The following ATP8A2 variants were observed in gnomAD, a reference collection of about 807,000 sequenced individuals.
ATP8A2 encodes the protein phospholipid-transporting ATPase IB.
ATP8A2 carries 100 observed loss-of-function variants against 165.6 expected under a neutral mutation model. The ratio of observed to expected loss-of-function variants is 0.60; its 90% CI spans 0.51 to 0.71. The LOEUF (loss-of-function observed/expected upper bound fraction) is 0.71. ATP8A2 is among the 30% of genes least tolerant of loss of function. The pLI, the probability that ATP8A2 is intolerant of heterozygous loss-of-function variation, is 0.00. For synonymous variants in ATP8A2, 543 were observed against 548.8 expected (o/e 0.99, Z 0.15); for missense variants, 1,227 against 1,479.5 (o/e 0.83, Z 2.80).
chr13:25,557,044 A>C (rs1193709295), intron 13 of ATP8A2, among the ~76,000 whole-genome samples: 1 of 152,120 alleles, frequency 6.6e-6, no homozygotes, highest in Non-Finnish European at 1.5e-5. Flanking sequence ...ATCATTTTTG[A>C]GTTTATTGCC....
intron 16 of ATP8A2, chr13:25,567,335 T>G: frequency 2.2e-6 from 1 of 456,754 alleles, no homozygotes; most frequent in Non-Finnish European, 4.4e-6. Flanking sequence ...TGCTTTTTCC[T>G]GACTCCTCCT....
At chr13:25,690,304 T>C (rs1487492451) in intron 24 of ATP8A2, among the ~76,000 whole-genome samples, 1 of 152,202 alleles carries the variant, frequency 6.6e-6, no homozygotes, top group African/African-American at 2.4e-5. Flanking sequence ...CAGTTTTCTC[T>C]TATGCATCTC....
chr13:25,774,739 C>A, intron 26 of ATP8A2, 110 bp from the exon 27 acceptor site: 1 of 604,954 alleles, frequency 1.7e-6, no homozygotes, highest in Non-Finnish European at 2.9e-6. Flanking sequence ...CCTGCGGAAT[C>A]TGGTTTCCTC....
chr13:25,923,756 G>A (rs924823691), intron 33 of ATP8A2, among the ~76,000 whole-genome samples: 8 of 152,154 alleles, frequency 5.3e-5, no homozygotes, highest in South Asian at 2.1e-4. Flanking sequence ...TAGATCCAGC[G>A]TAGGAATATT....
rs370437847 is a variant in ATP8A2, at chr13:25,942,430, C to CT, written c.3184-19136dup. Among the ~76,000 whole-genome samples the CT allele has an allele frequency of 9.8e-4, 148 of 151,506 alleles. No homozygotes were observed. The Middle Eastern group carries it at 0.01, about 11-fold the overall frequency. On this transcript the variant is annotated intron_variant, in intron 33 of 36. Coordinates refer to ENST00000381655, the MANE Select transcript of ATP8A2 (RefSeq NM_016529.6). ...TAATGTAGGCAAGCTTATCGATTTTCTTTTTTTTTGAGATGAAGTCTCGCT... is the reference window on the plus strand; with the variant it reads ...TAATGTAGGCAAGCTTATCGATTTTCTTTTTTTTTTGAGATGAAGTCTCGCT...
At chr13:25,891,286 A>C (rs906285962) in intron 33 of ATP8A2, among the ~76,000 whole-genome samples, 2 of 152,092 alleles carry the variant, frequency 1.3e-5, no homozygotes, top group Non-Finnish European at 2.9e-5. Flanking sequence ...TCAGAATGGG[A>C]TAGAAATCAG....
chr13:25,670,931 T>C (rs1305364994), intron 24 of ATP8A2, among the ~76,000 whole-genome samples: 4 of 152,184 alleles, frequency 2.6e-5, no homozygotes, highest in African/African-American at 4.8e-5. Flanking sequence ...TTACTTCCTT[T>C]CTTCTTGTTG....
chr13:25,500,186 C>T (rs2036810153), intron 2 of ATP8A2, among the ~76,000 whole-genome samples: 1 of 152,106 alleles, frequency 6.6e-6, no homozygotes, highest in African/African-American at 2.4e-5. Flanking sequence ...TCCTGTTTCC[C>T]TGGACTTGGA....
chr13:25,691,399 G>A (rs1182803995), intron 24 of ATP8A2, among the ~76,000 whole-genome samples: 2 of 152,248 alleles, frequency 1.3e-5, no homozygotes, highest in Non-Finnish European at 2.9e-5. Flanking sequence ...TTACATGCTA[G>A]TGTGAATGTG....
intron 27 of ATP8A2, among the ~76,000 whole-genome samples, chr13:25,796,338 T>C (rs1950497624): frequency 6.6e-6 from 1 of 152,216 alleles, no homozygotes; most frequent in Admixed American, 6.5e-5. Flanking sequence ...ATTGTGTGGT[T>C]ATGACCTAGT....
intron 27 of ATP8A2, among the ~76,000 whole-genome samples, chr13:25,819,899 C>G (rs1951128419): frequency 6.6e-6 from 1 of 152,158 alleles, no homozygotes; most frequent in Admixed American, 6.5e-5. Flanking sequence ...CAGCCCAGAC[C>G]TGATATGCAA....
intron 33 of ATP8A2, among the ~76,000 whole-genome samples, chr13:25,934,003 G>A (rs1265323862): frequency 6.6e-6 from 1 of 152,150 alleles, no homozygotes; most frequent in East Asian, 1.9e-4. Context: ...CTCCTAGAAT[G>A]TATGCTTGTA....
chr13:25,705,894 TA>T (rs1225906901), intron 25 of ATP8A2, among the ~76,000 whole-genome samples: 2 of 152,244 alleles, frequency 1.3e-5, no homozygotes, highest in African/African-American at 4.8e-5. Flanking sequence ...TTTAAAAGCA[TA>T]ATGGTGTTCT....
intron 30 of ATP8A2, among the ~76,000 whole-genome samples, chr13:25,843,709 GAAAGAACT>G (rs1951796989): frequency 6.6e-6 from 1 of 152,112 alleles, no homozygotes; most frequent in African/African-American, 2.4e-5. Context: ...ATAGTCAGCC[GAAAGAACT>G]AAGACACTCC....
At chr13:25,840,002 C>T (rs188616122) in intron 30 of ATP8A2, among the ~76,000 whole-genome samples, 33 of 152,112 alleles carry the variant, frequency 2.2e-4, no homozygotes, top group Non-Finnish European at 4.1e-4. Context: ...CTGAGCCTCC[C>T]CTACCCATAT....
chr13:25,857,345 G>A (rs1593457966), intron 30 of ATP8A2, among the ~76,000 whole-genome samples: 2 of 152,128 alleles, frequency 1.3e-5, no homozygotes, highest in South Asian at 4.2e-4. Flanking sequence ...AAATAGCCAT[G>A]CTATTACTCT....
chr13:25,437,811 G>A (rs1047420227), intron 1 of ATP8A2, among the ~76,000 whole-genome samples: 13 of 152,170 alleles, frequency 8.5e-5, no homozygotes, highest in Admixed American at 2.0e-4. Flanking sequence ...GCATGTATAC[G>A]CTGCTTTGGA....
chr13:25,904,966 C>T (rs1241607277), intron 33 of ATP8A2, among the ~76,000 whole-genome samples: 2 of 152,154 alleles, frequency 1.3e-5, no homozygotes, highest in African/African-American at 2.4e-5. Flanking sequence ...CAAGTTTTTC[C>T]GAGTATTCAG....
intron 26 of ATP8A2, among the ~76,000 whole-genome samples, chr13:25,773,480 G>C (rs1309374128): frequency 6.6e-6 from 1 of 152,154 alleles, no homozygotes; most frequent in Non-Finnish European, 1.5e-5. Flanking sequence ...TACGATCTGA[G>C]TGGTGTCCAG....
Sources: allele counts gnomAD v4.1 joint callset (sites outside exome capture counted in the v4.1 genomes callset), GRCh38; gene constraint gnomAD v4.1.1; transcripts MANE v1.5; gene names NCBI Gene and HGNC (gene_info 2026-07-23, HGNC 2026-07-21).